PADI1: variants seen among roughly 807,000 people sequenced by gnomAD.
PADI1 encodes the protein peptidyl arginine deiminase 1.
In PADI1, 65 loss-of-function variants were observed where a neutral mutation model predicts 74.8. That is an observed-to-expected ratio of 0.87 (90% confidence interval 0.71 to 1.07). The LOEUF is 1.07. Among genes scored for constraint, PADI1 ranks in the 50% least tolerant of loss-of-function variants. PADI1 has a pLI of 0.00. For synonymous variants in PADI1, 371 were observed against 336.2 expected, an observed-to-expected ratio of 1.10 and a Z score of -1.13; for missense variants, 943 against 854.0, an observed-to-expected ratio of 1.10 and a Z score of -1.30.
Position 17,239,749 on chromosome 1 carries a change from AC to A in PADI1, c.1599del (p.Asp533GlufsTer22). The A allele has an allele frequency of 6.2e-7, 1 of 1,614,078 alleles. No individual in the cohort carries two copies. Among genetic ancestry groups the A allele is most frequent in the Non-Finnish European group, 8.5e-7 (1 of 1,179,916 alleles). The part of the protein sequence containing the change: ...AKRSINEMLA[D>X]RHLQRDNLHA... ...AGAAGCATTAATGAGATGCTGGCAG[AC>A]AGACACCTCCAGAGAGACAATCTTC... On this transcript the variant is annotated frameshift_variant, in exon 14 of 16. Coordinates refer to ENST00000375471, the MANE Select transcript of PADI1 (RefSeq NM_013358.3). LOFTEE classifies it high-confidence loss of function.
intron 15 of PADI1, among the ~76,000 whole-genome samples, chr1:17,241,996 G>A (rs2072788094): frequency 6.6e-6 from 1 of 152,244 alleles, no homozygotes; most frequent in African/African-American, 2.4e-5. Context: ...GCAGGTTGCA[G>A]GAGGTGGGGA....
rs1235505182 is a variant in PADI1, at chr1:17,244,582, A to T, written c.*339A>T. The T allele has an allele frequency of 7.1e-6, 3 of 420,230 alleles. No homozygotes were observed. The highest frequency in any genetic ancestry group is 1.4e-5 in the Non-Finnish European group (3 of 211,656). The allele number at this position is 420,230 out of a possible 1,614,324, so 26.0% of individuals were successfully genotyped here. Reference sequence around the variant, plus strand: ...TTAGAATTGCTCCCCCTTCATTCTGATGCCTCCCTGGGGAACAAGGATAAT... The same window carrying T: ...TTAGAATTGCTCCCCCTTCATTCTGTTGCCTCCCTGGGGAACAAGGATAAT... On this transcript the variant is annotated 3_prime_UTR_variant, in exon 16 of 16. Coordinates refer to ENST00000375471, the MANE Select transcript of PADI1 (RefSeq NM_013358.3).
intron 9 of PADI1, 129 bp from the exon 10 acceptor site, chr1:17,230,443 A>G: frequency 1.4e-6 from 1 of 732,320 alleles, no homozygotes. Context: ...CCTCACTTCT[A>G]CCTCTGCCCC....
chr1:17,237,105 C>T (rs1025753731), intron 11 of PADI1, among the ~76,000 whole-genome samples: 40 of 152,212 alleles, frequency 2.6e-4, no homozygotes, highest in Admixed American at 2.6e-3. Flanking sequence ...ACTGCGAGGA[C>T]CCTAAGGACA....
At chr1:17,240,933 T>C (rs2072763608) in intron 15 of PADI1, among the ~76,000 whole-genome samples, 173 bp downstream of exon 15, 1 of 152,132 alleles carries the variant, frequency 6.6e-6, no homozygotes, top group Non-Finnish European at 1.5e-5. Context: ...CAGGGCAATT[T>C]TGCCCCCAGG....
Position 17,205,175 on chromosome 1 carries a change from G to A in PADI1, c.-43G>A, listed in dbSNP as rs1347287109. On this transcript the variant is annotated 5_prime_UTR_variant, in exon 1 of 16. Transcript: ENST00000375471. ...AAAGAAGTGCCCAGGACGGGAGCTG[G>A]GGAGCCAGGGCTGATCTAGGAGGCT... 1 of 1,531,384 alleles carries A rather than the reference G, an allele frequency of 6.5e-7. No individual in the cohort carries two copies. The highest frequency in any genetic ancestry group is 2.3e-5 in the East Asian group (1 of 44,256). 94.9% of individuals were successfully genotyped at this position (1,531,384 alleles called of 1,614,324 possible).
At position 17,230,693 on chromosome 1, in the gene PADI1, G is replaced by A; in HGVS notation, c.1161+14G>A. ...AAGAGGATCCTGGTACGTAGCGACA[G>A]GTAGAGTGCAGAAACCCTGGTTGGG... On this transcript the variant is annotated intron_variant, in intron 10 of 15. Coordinates refer to ENST00000375471, the MANE Select transcript of PADI1 (RefSeq NM_013358.3). 6.7e-7 allele frequency: 1 copy of A among 1,502,176 alleles called. No homozygotes were observed. The allele number at this position is 1,502,176 out of a possible 1,614,324, so 93.1% of individuals were successfully genotyped here.
chr1:17,231,021 C>G (rs1031967252), intron 10 of PADI1, among the ~76,000 whole-genome samples: 6 of 152,154 alleles, frequency 3.9e-5, no homozygotes, highest in African/African-American at 1.4e-4. Context: ...AGAGAATGCA[C>G]CCTTAGTGAG....
At chr1:17,235,927 C>T (rs2072630707) in intron 11 of PADI1, among the ~76,000 whole-genome samples, 1 of 152,178 alleles carries the variant, frequency 6.6e-6, no homozygotes. Flanking sequence ...GAGGGGTCTC[C>T]TGTGTGGACG....
chr1:17,243,288 C>T (rs777048261), intron 15 of PADI1, among the ~76,000 whole-genome samples: 64 of 150,086 alleles, frequency 4.3e-4, no homozygotes, highest in Middle Eastern at 3.4e-3. Flanking sequence ...AGGAGAGGTG[C>T]CCCCAGAGTT....
At chr1:17,235,445 G>A (rs2072618602) in intron 11 of PADI1, among the ~76,000 whole-genome samples, 2 of 152,164 alleles carry the variant, frequency 1.3e-5, no homozygotes, top group South Asian at 4.1e-4. Flanking sequence ...GGCAGGGATG[G>A]ACCGGTAGGA....
At chr1:17,228,192 A>G (rs963099620) in intron 6 of PADI1, among the ~76,000 whole-genome samples, 2 of 152,046 alleles carry the variant, frequency 1.3e-5, no homozygotes, top group African/African-American at 2.4e-5. Context: ...GGGTCTCCCT[A>G]TGTTACCCAG....
chr1:17,238,512 GGGAGTC>G, intron 12 of PADI1, 98 bp from the exon 13 acceptor site: 1 of 472,972 alleles, frequency 2.1e-6, no homozygotes. Flanking sequence ...AGTGGGAGAG[GGGAGTC>G]CCAAGAACTG....
At chr1:17,216,609 G>A (rs532977991) in intron 1 of PADI1, among the ~76,000 whole-genome samples, 5 of 152,260 alleles carry the variant, frequency 3.3e-5, no homozygotes, top group African/African-American at 1.2e-4. Context: ...AGTGGCTCAC[G>A]CCTGTAATCC....
intron 1 of PADI1, among the ~76,000 whole-genome samples, chr1:17,217,857 G>T (rs970040946): frequency 2.0e-5 from 3 of 152,174 alleles, no homozygotes; most frequent in African/African-American, 4.8e-5. Flanking sequence ...ATGGAGACAG[G>T]TTAACAATGT....
chr1:17,211,630 G>T (rs924574322), intron 1 of PADI1, among the ~76,000 whole-genome samples: 13 of 152,308 alleles, frequency 8.5e-5, no homozygotes, highest in African/African-American at 2.9e-4. Context: ...TTTGGACCCA[G>T]GTCCACCTGG....
intron 1 of PADI1, among the ~76,000 whole-genome samples, chr1:17,220,776 T>C (rs1330107045): frequency 6.6e-6 from 1 of 152,204 alleles, no homozygotes; most frequent in Non-Finnish European, 1.5e-5. Context: ...CTCCTGGAAC[T>C]CTGGGGATTA....
chr1:17,205,444 C>T, intron 1 of PADI1, 135 bp downstream of exon 1: 1 of 721,894 alleles, frequency 1.4e-6, no homozygotes. Context: ...GTGGAGTTGG[C>T]TGTGGAGTCT....
rs943712954 is a variant in PADI1 at position 17,243,952 on chromosome 1, G to C, written c.1759-58G>C. The C allele has an allele frequency of 4.0e-6, 5 of 1,238,132 alleles. No individual in the cohort carries two copies. The African/African-American group carries it at 5.9e-5, about 15-fold the overall frequency. 76.7% of individuals were successfully genotyped at this position (1,238,132 alleles called of 1,614,324 possible). A position where few individuals can be genotyped will look rare whatever the true frequency, so the allele number is the denominator to read the frequency against. ...TGTCTCATTCTGGCAAGGAAGGGGT[G>C]CCAGAAGCACAGCACTTATAGCCAG... On this transcript the variant is annotated intron_variant, in intron 15 of 15. Transcript: ENST00000375471.
Sources: allele counts gnomAD v4.1 joint callset (sites outside exome capture counted in the v4.1 genomes callset), GRCh38; gene constraint gnomAD v4.1.1; transcripts MANE v1.5; gene names NCBI Gene and HGNC (gene_info 2026-07-23, HGNC 2026-07-21).